Variants in SCIN observed in about 807,000 individuals in gnomAD.
SCIN encodes adseverin.
In SCIN, 91 loss-of-function variants were observed where a neutral mutation model predicts 91.8. The observed-to-expected ratio is 0.99, with a 90% CI of 0.84 to 1.18. The LOEUF is 1.18. SCIN is among the 50% of genes most tolerant of loss of function. The pLI, the probability that SCIN is intolerant of heterozygous loss-of-function variation, is 0.00. For missense variants in SCIN, 1,087 were observed against 863.9 expected (o/e 1.26, Z -3.24); for synonymous variants, 367 against 312.6 (o/e 1.17, Z -1.84).
intron 4 of SCIN, among the ~76,000 whole-genome samples, chr7:12,615,573 T>C (rs1783282193): frequency 2.6e-5 from 4 of 152,138 alleles, no homozygotes. Context: ...GTATCAGGTA[T>C]TTCTTTATAG....
chr7:12,600,613 A>G (rs931923814), intron 3 of SCIN, among the ~76,000 whole-genome samples: 2 of 152,232 alleles, frequency 1.3e-5, no homozygotes, highest in Non-Finnish European at 2.9e-5. Flanking sequence ...CAAAACAAAA[A>G]CATTAGTTTG....
chr7:12,576,218 G>A (rs1040398943), intron 1 of SCIN, among the ~76,000 whole-genome samples: 1 of 152,006 alleles, frequency 6.6e-6, no homozygotes, highest in Non-Finnish European at 1.5e-5. Context: ...CTCAGTTAGG[G>A]TTCGGATCCC....
At chr7:12,602,852 G>A (rs1045021867) in intron 3 of SCIN, among the ~76,000 whole-genome samples, 10 of 152,102 alleles carry the variant, frequency 6.6e-5, no homozygotes, top group African/African-American at 2.4e-4. Context: ...CAATCAATTT[G>A]TACAGTTAAC....
intron 9 of SCIN, among the ~76,000 whole-genome samples, chr7:12,630,457 C>T (rs1236217002): frequency 6.6e-6 from 1 of 152,210 alleles, no homozygotes; most frequent in Non-Finnish European, 1.5e-5. Flanking sequence ...AATCCAAATG[C>T]TGTCACCCAC....
chr7:12,583,072 A>C (rs916520782), intron 3 of SCIN, among the ~76,000 whole-genome samples: 1 of 152,104 alleles, frequency 6.6e-6, no homozygotes, highest in Non-Finnish European at 1.5e-5. Context: ...CCCAGTGATA[A>C]TGTAATTAAT....
chr7:12,581,060 G>A lies in SCIN; in HGVS notation c.355G>A (p.Ala119Thr). ...GTGTCTGTCTTCCCTCATTCATCAG[G>A]CTGGAGGCGTGGCATCTGGATTAAA... The part of the protein sequence containing the change: ...SYFKGGLKYK[A>T]GGVASGLNHV... The change falls in exon 3 of 16, where the codon GCT becomes ACT. Residue 119 changes from alanine (A) to threonine (T), a missense_variant and splice_region_variant. Physicochemically the swap from Ala to Thr is moderately conservative, Grantham distance 58. Transcript: ENST00000297029. 6.4e-7 allele frequency: 1 copy of A among 1,550,756 alleles called. No homozygotes were observed. Among genetic ancestry groups the A allele is most frequent in the Non-Finnish European group, 8.7e-7 (1 of 1,146,418 alleles).
rs142584241 is a variant in SCIN at position 12,623,417 on chromosome 7, G to C, written c.759+524G>C. On this transcript the variant is annotated intron_variant, in intron 5 of 15. Coordinates refer to ENST00000297029, the MANE Select transcript of SCIN (RefSeq NM_001112706.3). ...CTTCCATATCAGCTCTATAGCACAT[G>C]ATTAGGAGCATGACTTTGCACAGGA... Among the ~76,000 whole-genome samples the C allele has an allele frequency of 3.0e-4, 46 of 152,274 alleles. No homozygotes were observed. In the East Asian group the frequency reaches 5.2e-3, roughly 17 times the overall value.
chr7:12,611,201 G>A (rs1783184745), intron 4 of SCIN: 1 of 152,206 alleles, frequency 6.6e-6, no homozygotes, highest in Admixed American at 6.5e-5. Flanking sequence ...TTATTACTGA[G>A]TCATCTAGTA....
chr7:12,576,871 T>C (rs982641233), intron 1 of SCIN, among the ~76,000 whole-genome samples: 4 of 152,166 alleles, frequency 2.6e-5, no homozygotes, highest in African/African-American at 9.7e-5. Context: ...GTCTGGCCCA[T>C]AGGGGTAGTA....
chr7:12,616,375 G>T (rs1216293024), intron 4 of SCIN, among the ~76,000 whole-genome samples: 3 of 151,924 alleles, frequency 2.0e-5, no homozygotes, highest in Admixed American at 6.6e-5. Flanking sequence ...AGTGAGTTTG[G>T]CCCCTTCTTG....
intron 4 of SCIN, among the ~76,000 whole-genome samples, chr7:12,614,017 TCTG>T (rs1416710976): frequency 6.6e-6 from 1 of 152,220 alleles, no homozygotes; most frequent in East Asian, 1.9e-4. Flanking sequence ...TGGTCTGAAA[TCTG>T]CTGTCAAAAA....
rs542101011 is a variant in SCIN at position 12,636,865 on chromosome 7, T to C, written c.1410+730T>C. ...TTACCCTAATTTGATCACTATACATTGTATGTACCCCATGAATATCTACAA... is the reference window on the plus strand; with the variant it reads ...TTACCCTAATTTGATCACTATACATCGTATGTACCCCATGAATATCTACAA... On this transcript the variant is annotated intron_variant, in intron 10 of 15. Transcript: ENST00000297029. 5.3e-5 allele frequency among the ~76,000 whole-genome samples: 8 copies of C among 152,150 alleles called. No homozygotes were observed. The South Asian group carries it at 1.7e-3, about 32-fold the overall frequency.
rs570459500 is a variant in SCIN at position 12,605,005 on chromosome 7, CTTTCA to C, written c.666+344_666+348del. Among the ~76,000 whole-genome samples the C allele has an allele frequency of 2.3e-3, 352 of 152,104 alleles. 6 individuals carry two copies. Among genetic ancestry groups the C allele is most frequent in the African/African-American group, 7.1e-3 (295 of 41,460 alleles). ...TGGAAGGAAGACAATATTAATAGTT[CTTTCA>C]TCTATTCATCTGGGCTTCTCAGGGT... On this transcript the variant is annotated intron_variant, in intron 4 of 15. Transcript: ENST00000297029.
intron 6 of SCIN, among the ~76,000 whole-genome samples, chr7:12,625,461 A>G (rs1583307264): frequency 1.3e-5 from 1 of 74,186 alleles, no homozygotes; most frequent in Non-Finnish European, 2.5e-5. Context: ...TCCGTCGCCC[A>G]GGCTGGAGTG....
intron 2 of SCIN, 29 bp downstream of exon 2, chr7:12,578,247 A>C: frequency 6.5e-7 from 1 of 1,532,448 alleles, no homozygotes; most frequent in Non-Finnish European, 8.8e-7. Flanking sequence ...TTCCATTATG[A>C]ATCCCTTTCT....
At position 12,652,948 on chromosome 7, in the gene SCIN, C is replaced by CA. The variant is rs1318190284; in HGVS notation, c.*240dup. The CA allele has an allele frequency of 7.5e-6, 3 of 400,632 alleles. No individual in the cohort carries two copies. Among genetic ancestry groups the CA allele is most frequent in the Non-Finnish European group, 1.3e-5 (3 of 225,978 alleles). 24.8% of individuals were successfully genotyped at this position (400,632 alleles called of 1,614,324 possible). ...CGAAACCTCGCCTCTACTAAAAATA[C>CA]AAAAAAATTAGCTGCGCGTGGTGGT... On this transcript the variant is annotated 3_prime_UTR_variant, in exon 16 of 16. Coordinates refer to ENST00000297029, the MANE Select transcript of SCIN (RefSeq NM_001112706.3).
intron 4 of SCIN, among the ~76,000 whole-genome samples, chr7:12,621,546 A>G (rs984988021): frequency 2.0e-5 from 3 of 151,722 alleles, no homozygotes; most frequent in Non-Finnish European, 2.9e-5. Flanking sequence ...TTAGAAAAGT[A>G]TATGTGAGGA....
Position 12,626,656 on chromosome 7 carries a change from C to T in SCIN, c.1054C>T (p.Gln352Ter). ...QFFKDWRDKD[Q>*]SDGFGKVYVT... ...TTTTAAGGACTGGAGAGATAAAGATCAGAGTGATGGCTTCGGGAAAGTTTA... is the reference window on the plus strand; with the variant it reads ...TTTTAAGGACTGGAGAGATAAAGATTAGAGTGATGGCTTCGGGAAAGTTTA... The change falls in exon 8 of 16, where the codon CAG (glutamine) becomes TAG (stop). Residue 352 changes from glutamine to a stop codon, truncating the protein, a stop_gained. Transcript: ENST00000297029. LOFTEE classifies it high-confidence loss of function. 1 of 1,558,596 alleles carries T rather than the reference C, an allele frequency of 6.4e-7. No individual in the cohort carries two copies. Among genetic ancestry groups the T allele is most frequent in the Non-Finnish European group, 8.7e-7 (1 of 1,150,574 alleles).
intron 9 of SCIN, among the ~76,000 whole-genome samples, chr7:12,635,003 G>C (rs1486129842): frequency 6.6e-6 from 1 of 150,948 alleles, no homozygotes; most frequent in Non-Finnish European, 1.5e-5. Context: ...CCTGACCAAC[G>C]TGGTGAAACC....
Sources: allele counts gnomAD v4.1 joint callset (sites outside exome capture counted in the v4.1 genomes callset), GRCh38; gene constraint gnomAD v4.1.1; transcripts MANE v1.5; gene names NCBI Gene and HGNC (gene_info 2026-07-23, HGNC 2026-07-21).